Variants in C16orf96 observed in about 807,000 individuals in gnomAD.
C16orf96 encodes chromosome 16 open reading frame 96.
A neutral mutation model predicts 103.6 loss-of-function variants in C16orf96; 108 were observed. The observed-to-expected ratio is 1.04, with a 90% CI of 0.89 to 1.22. The LOEUF is 1.22. Among genes scored for constraint, C16orf96 ranks in the 50% most tolerant of loss-of-function variants. The pLI is 0.00. For synonymous variants in C16orf96, 566 were observed against 593.5 expected, an observed-to-expected ratio of 0.95 and a Z score of 0.67; for missense variants, 1,586 against 1,464.2, an observed-to-expected ratio of 1.08 and a Z score of -1.36.
the C16orf96 span, among the ~76,000 whole-genome samples, chr16:4,539,837 A>G: frequency 2.0e-5 from 3 of 152,096 alleles, no homozygotes; most frequent in African/African-American, 7.2e-5. Context: ...CTGCAGTCTG[A>G]TGCACCAGCC....
intron 7 of C16orf96, among the ~76,000 whole-genome samples, chr16:4,584,953 TAGCCAC>T (rs1896885805): frequency 6.6e-6 from 1 of 152,084 alleles, no homozygotes; most frequent in Non-Finnish European, 1.5e-5. Context: ...TTACAGGCAT[TAGCCAC>T]TGCGCCCAGC....
rs1339880919 is a variant in C16orf96, at chr16:4,575,814, A to G, written c.1334A>G (p.Gln445Arg). Reference protein sequence around the residue: ...PRPLQPYQSRQGEALQLAAVQ... With the variant: ...PRPLQPYQSRRGEALQLAAVQ... ...CCACTCCAGCCATATCAGTCTCGCC[A>G]GGGAGAAGCCCTCCAGCTCGCAGCT... The change falls in exon 5 of 16, where the codon CAG (glutamine) becomes CGG (arginine). Residue 445 changes from glutamine (Q) to arginine (R), a missense_variant. Coordinates refer to ENST00000444310, the MANE Select transcript of C16orf96 (RefSeq NM_001145011.2). The G allele has an allele frequency of 2.6e-6, 4 of 1,551,188 alleles. No individual in the cohort carries two copies. Among genetic ancestry groups the G allele is most frequent in the Non-Finnish European group, 3.5e-6 (4 of 1,146,980 alleles).
intron 12 of C16orf96, 113 bp from the exon 13 acceptor site, chr16:4,594,238 C>A: frequency 1.6e-6 from 2 of 1,277,232 alleles, no homozygotes; most frequent in South Asian, 1.5e-5. Flanking sequence ...CAGCTAAACA[C>A]AAGCTGAAAG....
chr16:4,591,896 G>A (rs1251316258), intron 10 of C16orf96, 112 bp downstream of exon 10: 1 of 864,158 alleles, frequency 1.2e-6, no homozygotes, highest in African/African-American at 1.7e-5. Context: ...GAGGGGATGG[G>A]GGCTTGGCTG....
At chr16:4,597,313 C>A (rs964239608) in intron 14 of C16orf96, among the ~76,000 whole-genome samples, 1 of 152,172 alleles carries the variant, frequency 6.6e-6, no homozygotes, top group Non-Finnish European at 1.5e-5. Context: ...AGGCCCTGCC[C>A]CACCTCCTTC....
In C16orf96 at chr16:4,576,647, C is replaced by G; in HGVS notation, c.2155+12C>G. 1.3e-6 allele frequency: 2 copies of G among 1,543,814 alleles called. No individual in the cohort carries two copies. The highest frequency in any genetic ancestry group is 1.7e-6 in the Non-Finnish European group (2 of 1,142,930). ...CTTGAGTTATCTAGGTAGGCCTGGTCTGGCCCTGGGAAGGGCACAAGGGAG... is the reference window on the plus strand; with the variant it reads ...CTTGAGTTATCTAGGTAGGCCTGGTGTGGCCCTGGGAAGGGCACAAGGGAG... On this transcript the variant is annotated intron_variant, in intron 5 of 15. Coordinates refer to ENST00000444310, the MANE Select transcript of C16orf96 (RefSeq NM_001145011.2).
the C16orf96 span, among the ~76,000 whole-genome samples, chr16:4,542,593 T>A: frequency 6.6e-6 from 1 of 151,944 alleles, no homozygotes; most frequent in East Asian, 1.9e-4. Flanking sequence ...GGTCAGGAGT[T>A]CAAGACCAGC....
rs988350246 is a variant in C16orf96, at chr16:4,574,708, G to C, written c.526-1G>C. ...GTCCACAGACTCAGTTCCTTTGACA[G>C]GTACACCCAGAAAGAATGGACATCT... On this transcript the variant is annotated splice_acceptor_variant, in intron 2 of 15. Transcript: ENST00000444310. LOFTEE classifies it high-confidence loss of function. The C allele has an allele frequency of 3.2e-6, 5 of 1,551,450 alleles. No homozygotes were observed. In the African/African-American group the frequency reaches 6.8e-5, roughly 21 times the overall value.
chr16:4,551,201 T>A, the C16orf96 span, among the ~76,000 whole-genome samples: 6 of 152,156 alleles, frequency 3.9e-5, no homozygotes, highest in Admixed American at 2.6e-4. Context: ...AACCCAGGTG[T>A]TTGAGGCTGC....
In C16orf96 at chr16:4,593,370, G is replaced by A. The variant is rs777564199; in HGVS notation, c.2867+54G>A. 3.4e-6 allele frequency: 5 copies of A among 1,482,146 alleles called. No homozygotes were observed. Among genetic ancestry groups the A allele is most frequent in the Non-Finnish European group, 4.6e-6 (5 of 1,090,534 alleles). The allele number at this position is 1,482,146 out of a possible 1,614,324, so 91.8% of individuals were successfully genotyped here. A position where few individuals can be genotyped will look rare whatever the true frequency, so the allele number is the denominator to read the frequency against. Reference sequence around the variant, plus strand: ...GCCGCCCCGCATGGAGGCCACTCTGGAGCCTGGGAACCCTGTTCCTGCAGA... The same window carrying A: ...GCCGCCCCGCATGGAGGCCACTCTGAAGCCTGGGAACCCTGTTCCTGCAGA... On this transcript the variant is annotated intron_variant, in intron 12 of 15. Transcript: ENST00000444310. The surrounding 1 kb of genome is among the most constrained non-coding windows in gnomAD (Gnocchi z 4.2).
At chr16:4,590,451 G>A (rs1281796026) in intron 9 of C16orf96, among the ~76,000 whole-genome samples, 3 of 151,396 alleles carry the variant, frequency 2.0e-5, no homozygotes, top group East Asian at 2.0e-4. Context: ...CCAGCTACTC[G>A]GGAGACTGAG....
chr16:4,540,103 C>G, the C16orf96 span, among the ~76,000 whole-genome samples: 1 of 152,216 alleles, frequency 6.6e-6, no homozygotes, highest in African/African-American at 2.4e-5. Flanking sequence ...TACATTGGCT[C>G]TATCTGGGCA....
At chr16:4,571,813 C>T (rs1315570353) in intron 2 of C16orf96, 148 bp downstream of exon 2, 8 of 625,408 alleles carry the variant, frequency 1.3e-5, no homozygotes, top group Non-Finnish European at 2.2e-5. Flanking sequence ...TTGGCCAGTG[C>T]CACCGACTTC....
At chr16:4,562,278 C>T (rs1320578480) in intron 1 of C16orf96, among the ~76,000 whole-genome samples, 2 of 151,968 alleles carry the variant, frequency 1.3e-5, no homozygotes, top group Non-Finnish European at 2.9e-5. Context: ...AGTTCAAGAC[C>T]AGCCTGAGCA....
chr16:4,550,805 G>C, the C16orf96 span, among the ~76,000 whole-genome samples: 2 of 152,218 alleles, frequency 1.3e-5, no homozygotes, highest in Non-Finnish European at 2.9e-5. Flanking sequence ...ACTGAGGTGA[G>C]AGAAGAAGCT....
At chr16:4,565,082 G>T (rs917171667) in intron 1 of C16orf96, among the ~76,000 whole-genome samples, 9 of 152,124 alleles carry the variant, frequency 5.9e-5, no homozygotes, top group Non-Finnish European at 1.2e-4. Context: ...TGTCTGAGGG[G>T]GTGTTTGCCT....
intron 1 of C16orf96, among the ~76,000 whole-genome samples, chr16:4,558,471 C>A (rs571665044): frequency 3.3e-5 from 5 of 151,956 alleles, no homozygotes; most frequent in African/African-American, 1.2e-4. Context: ...ATAAATTAGC[C>A]GGGTGTGGTG....
At chr16:4,562,330 G>C (rs911202633) in intron 1 of C16orf96, among the ~76,000 whole-genome samples, 3 of 151,992 alleles carry the variant, frequency 2.0e-5, no homozygotes, top group African/African-American at 7.3e-5. Flanking sequence ...TTTGAAATTG[G>C]CTGGGCATGG....
intron 2 of C16orf96, among the ~76,000 whole-genome samples, chr16:4,572,568 C>T (rs1030046091): frequency 7.9e-5 from 12 of 151,928 alleles, no homozygotes; most frequent in Non-Finnish European, 1.6e-4. Flanking sequence ...CCCAAAGTGC[C>T]AGGATTACAG....
Sources: allele counts gnomAD v4.1 joint callset (sites outside exome capture counted in the v4.1 genomes callset), GRCh38; gene constraint gnomAD v4.1.1; non-coding constraint Gnocchi (gnomAD v3.1); transcripts MANE v1.5; gene names NCBI Gene and HGNC (gene_info 2026-07-23, HGNC 2026-07-21).